Variants in SLC7A6 observed in about 807,000 individuals in gnomAD.
SLC7A6 encodes solute carrier family 7 member 6.
A neutral mutation model predicts 46.6 loss-of-function variants in SLC7A6; 29 were observed. The ratio of observed to expected loss-of-function variants is 0.62; its 90% CI spans 0.46 to 0.85. The LOEUF is 0.85. Ranked by LOEUF, SLC7A6 falls within the 40% of genes least tolerant of loss-of-function variation. The pLI is 0.00. For missense variants in SLC7A6, 527 were observed against 647.6 expected (o/e 0.81, Z 2.02); for synonymous variants, 276 against 257.3 (o/e 1.07, Z -0.70).
chr16:68,288,984 A>G (rs1271217966), intron 4 of SLC7A6, among the ~76,000 whole-genome samples: 1 of 150,540 alleles, frequency 6.6e-6, no homozygotes, highest in African/African-American at 2.4e-5. Flanking sequence ...AAAAAAAAAA[A>G]AAGAATTGCC....
At chr16:68,284,783 T>G in intron 3 of SLC7A6, 1 of 240,024 alleles carries the variant, frequency 4.2e-6, no homozygotes, top group Non-Finnish European at 6.7e-6. Context: ...TGTGTTTCTC[T>G]CCTTTTATCC....
chr16:68,293,846 T>C (rs1266131949), intron 7 of SLC7A6, among the ~76,000 whole-genome samples: 1 of 152,248 alleles, frequency 6.6e-6, no homozygotes, highest in Admixed American at 6.5e-5. Flanking sequence ...GAGTGTCGTG[T>C]ACTCCAAGGT....
intron 7 of SLC7A6, chr16:68,292,338 A>G (rs2151230377): frequency 6.6e-6 from 1 of 152,306 alleles, no homozygotes; most frequent in African/African-American, 2.4e-5. Flanking sequence ...AGACTCTGCT[A>G]CTTGGGCTCG....
intron 3 of SLC7A6, among the ~76,000 whole-genome samples, chr16:68,277,636 A>T (rs907209686): frequency 1.6e-4 from 23 of 147,764 alleles, no homozygotes; most frequent in Admixed American, 5.5e-4. Context: ...ATTAAAAAAA[A>T]TTTTTTTTGA....
In SLC7A6 at chr16:68,301,242, A is replaced by T; in HGVS notation, c.*3914A>T. The T allele has an allele frequency of 6.2e-7, 1 of 1,605,528 alleles. No individual in the cohort carries two copies. Among genetic ancestry groups the T allele is most frequent in the Non-Finnish European group, 8.5e-7 (1 of 1,174,610 alleles). On this transcript the variant is annotated 3_prime_UTR_variant, in exon 11 of 11. Transcript: ENST00000219343. ...CTCTGGACTCAGAGCCCTCAAGGGC[A>T]TGTGGCAGAACCTCATGGACATCAC...
chr16:68,290,353 T>C lies in SLC7A6; in HGVS notation c.650-43T>C, dbSNP rs201702510. ...TCTCCTCTTCCTTTCTCCTTTGGCC[T>C]GTTCCTTCTCTCTGAACCCCTCACC... is the stretch of plus-strand genomic sequence containing the variant. On this transcript the variant is annotated intron_variant, in intron 4 of 10. Coordinates refer to ENST00000219343, the MANE Select transcript of SLC7A6 (RefSeq NM_003983.6). The C allele has an allele frequency of 1.1e-5, 17 of 1,611,718 alleles. No homozygotes were observed. In the Admixed American group the frequency reaches 2.2e-4, roughly 21 times the overall value.
chr16:68,280,797 C>T (rs749167139), intron 3 of SLC7A6, among the ~76,000 whole-genome samples: 6 of 151,576 alleles, frequency 4.0e-5, no homozygotes, highest in Non-Finnish European at 7.4e-5. Flanking sequence ...TGCAGTGGCG[C>T]GATCTCGGCT....
At chr16:68,282,809 G>T (rs1230819909) in intron 3 of SLC7A6, among the ~76,000 whole-genome samples, 1 of 152,034 alleles carries the variant, frequency 6.6e-6, no homozygotes, top group Non-Finnish European at 1.5e-5. Flanking sequence ...TAGTAGAGAC[G>T]GGGTTTCACC....
chr16:68,265,631 G>A (rs2042518663), intron 1 of SLC7A6: 1 of 152,086 alleles, frequency 6.6e-6, no homozygotes, highest in Non-Finnish European at 1.5e-5. Flanking sequence ...CCTCTTTTTG[G>A]TGGCGGTGAG....
chr16:68,285,044 T>C (rs1274452224), intron 3 of SLC7A6, among the ~76,000 whole-genome samples: 1 of 152,000 alleles, frequency 6.6e-6, no homozygotes, highest in Non-Finnish European at 1.5e-5. Flanking sequence ...CCCCTGTCTG[T>C]CTTTTTGTCT....
rs781514809 is a variant in SLC7A6, at chr16:68,300,741, T to A, written c.*3413T>A. ...CGTTATCAGAGTTTGGAAGCAGAAA[T>A]AGCTGTTAACTAAAATCTCCCACTG... On this transcript the variant is annotated 3_prime_UTR_variant, in exon 11 of 11. Transcript: ENST00000219343. The A allele has an allele frequency of 3.0e-6, 3 of 985,328 alleles. No individual in the cohort carries two copies. In the South Asian group the frequency reaches 1.4e-4, roughly 46 times the overall value. The allele number at this position is 985,328 out of a possible 1,614,324, so 61.0% of individuals were successfully genotyped here.
At chr16:68,287,972 A>G in intron 4 of SLC7A6, 101 bp downstream of exon 4, 2 of 1,494,058 alleles carry the variant, frequency 1.3e-6, no homozygotes, top group East Asian at 2.4e-5. Context: ...TTCTATGTAC[A>G]TGCTAGCATG....
Position 68,301,293 on chromosome 16 carries a change from G to A in SLC7A6, c.*3965G>A, listed in dbSNP as rs778022325. The A allele has an allele frequency of 7.4e-6, 12 of 1,613,938 alleles. No individual in the cohort carries two copies. The highest frequency in any genetic ancestry group is 2.2e-5 in the South Asian group (2 of 91,072). On this transcript the variant is annotated 3_prime_UTR_variant, in exon 11 of 11. Coordinates refer to ENST00000219343, the MANE Select transcript of SLC7A6 (RefSeq NM_003983.6). ...AAGACCATCAGTCTGAATCCAGGTC[G>A]TGGGGGCTGTCATAGCCGAACTCCT...
chr16:68,277,686 G>A (rs1033521024), intron 3 of SLC7A6, among the ~76,000 whole-genome samples: 3 of 151,808 alleles, frequency 2.0e-5, no homozygotes, highest in Non-Finnish European at 4.4e-5. Flanking sequence ...AGAGTGCAAT[G>A]GCATTATCTC....
intron 3 of SLC7A6, among the ~76,000 whole-genome samples, chr16:68,284,906 G>T: frequency 8.9e-6 from 1 of 112,042 alleles, no homozygotes; most frequent in Non-Finnish European, 1.6e-5. Context: ...TGTTGCCCTG[G>T]CTGGAGTGCA....
At chr16:68,283,395 C>A (rs956634129) in intron 3 of SLC7A6, among the ~76,000 whole-genome samples, 3 of 152,272 alleles carry the variant, frequency 2.0e-5, no homozygotes, top group Middle Eastern at 3.4e-3. Flanking sequence ...TGCACTGTAA[C>A]TGACAAGAAG....
intron 3 of SLC7A6, among the ~76,000 whole-genome samples, chr16:68,285,730 G>A (rs1203577170): frequency 6.6e-6 from 1 of 152,158 alleles, no homozygotes; most frequent in Non-Finnish European, 1.5e-5. Flanking sequence ...TTGGAAGTTA[G>A]AGTGAAAATC....
chr16:68,274,643 G>A (rs2042677125), intron 2 of SLC7A6, 48 bp from the exon 3 acceptor site: 2 of 1,512,694 alleles, frequency 1.3e-6, no homozygotes, highest in South Asian at 2.5e-5. Context: ...TCTAAATAGA[G>A]CCTCACCAGC....
intron 2 of SLC7A6, among the ~76,000 whole-genome samples, chr16:68,268,885 T>C (rs1225969432): frequency 6.6e-6 from 1 of 152,070 alleles, no homozygotes; most frequent in East Asian, 1.9e-4. Flanking sequence ...CGCATGCCTG[T>C]AATCCCAGCT....
Sources: gnomAD v4.1 joint callset for allele counts (sites outside exome capture counted in the v4.1 genomes callset) on GRCh38, gnomAD v4.1.1 for gene constraint, MANE v1.5 for transcripts, NCBI Gene and HGNC (gene_info 2026-07-23, HGNC 2026-07-21) for gene names.